MPI: variants seen among roughly 807,000 people sequenced by gnomAD.
The protein encoded by MPI is mannose phosphate isomerase.
A neutral mutation model predicts 40.1 loss-of-function variants in MPI; 33 were observed. The ratio of observed to expected loss-of-function variants is 0.82; its 90% CI spans 0.62 to 1.10. MPI has a LOEUF of 1.10. Ranked by LOEUF, MPI falls within the 50% of genes least tolerant of loss-of-function variation. The probability of loss-of-function intolerance (pLI) is 0.00; values close to 1 mark genes in which losing one functional copy is unlikely to be tolerated. For synonymous variants in MPI, 187 were observed against 207.4 expected (o/e 0.90, Z 0.85); for missense variants, 514 against 524.1 (o/e 0.98, Z 0.19).
chr15:74,897,666 G>A lies in MPI; in HGVS notation c.1208G>A (p.Ser403Asn). ...GTGCTCTTCATTGGGGCCAATGAGAGTGTCTCACTGAAGCTTACTGAGCCG... is the reference window on the plus strand; with the variant it reads ...GTGCTCTTCATTGGGGCCAATGAGAATGTCTCACTGAAGCTTACTGAGCCG... Reference protein sequence around the residue: ...GGVLFIGANESVSLKLTEPKD... With the variant: ...GGVLFIGANENVSLKLTEPKD... The change falls in exon 8 of 8, where the codon AGT (serine) becomes AAT (asparagine). Residue 403 changes from serine (S) to asparagine (N), a missense_variant. Coordinates refer to ENST00000352410, the MANE Select transcript of MPI (RefSeq NM_002435.3). The A allele has an allele frequency of 6.2e-7, 1 of 1,614,182 alleles. No individual in the cohort carries two copies. Among genetic ancestry groups the A allele is most frequent in the South Asian group, 1.1e-5 (1 of 91,084 alleles).
chr15:74,901,525 G>C lies in MPI; in HGVS notation c.*3795G>C, dbSNP rs1595833000. ...AGTAAGGCCCATGCTGTGACCAGAA[G>C]AATCTGGCAATAGAATGGTCCATGC... On this transcript the variant is annotated 3_prime_UTR_variant, in exon 8 of 8. Transcript: ENST00000352410. 1 of 152,338 alleles carries C rather than the reference G, an allele frequency of 6.6e-6. No homozygotes were observed. Among genetic ancestry groups the C allele is most frequent in the South Asian group, 2.1e-4 (1 of 4,826 alleles). The allele number at this position is 152,338 out of a possible 1,614,324, so 9.4% of individuals were successfully genotyped here. A position where few individuals can be genotyped will look rare whatever the true frequency, so the allele number is the denominator to read the frequency against.
chr15:74,896,929 C>A, intron 6 of MPI, 82 bp from the exon 7 acceptor site: 1 of 1,326,258 alleles, frequency 7.5e-7, no homozygotes, highest in Non-Finnish European at 1.1e-6. Context: ...GCATGGGGTT[C>A]ATGGAGCTCA....
Position 74,900,307 on chromosome 15 carries a change from G to GT in MPI, c.*2577_*2578insT, listed in dbSNP as rs2064900328. The GT allele has an allele frequency of 6.6e-6, 1 of 152,296 alleles. No homozygotes were observed. The highest frequency in any genetic ancestry group is 2.4e-5 in the African/African-American group (1 of 41,428). The allele number at this position is 152,296 out of a possible 1,614,324, so 9.4% of individuals were successfully genotyped here. ...CTACAAGGTAACACCCTCCTACATG[G>GT]GGTCAGCCAGCTCAGAAACCTCTTC... On this transcript the variant is annotated 3_prime_UTR_variant, in exon 8 of 8. Coordinates refer to ENST00000352410, the MANE Select transcript of MPI (RefSeq NM_002435.3).
rs1392809344 is a variant in MPI, at chr15:74,892,818, T to C, written c.487+16T>C. On this transcript the variant is annotated intron_variant, in intron 4 of 7. Transcript: ENST00000352410. ...TTTCTAAAGAGTAAGTTGGGCAGAA[T>C]GCTGAAGGCATGCGTACTGGGCCAG... 6.2e-7 allele frequency: 1 copy of C among 1,614,234 alleles called. No individual in the cohort carries two copies. The highest frequency in any genetic ancestry group is 2.2e-5 in the East Asian group (1 of 44,888).
intron 3 of MPI, among the ~76,000 whole-genome samples, chr15:74,892,209 G>A (rs1358846631): frequency 6.6e-6 from 1 of 152,114 alleles, no homozygotes; most frequent in African/African-American, 2.4e-5. Flanking sequence ...GGCCAGGCTG[G>A]TCTTGAACTC....
chr15:74,896,380 C>T (rs746095932), intron 6 of MPI, 55 bp downstream of exon 6: 1 of 1,601,444 alleles, frequency 6.2e-7, no homozygotes, highest in Admixed American at 1.7e-5. Flanking sequence ...GCCCTGTTTC[C>T]CTATCTGGAC....
rs1427529641 is a variant in MPI at position 74,902,050 on chromosome 15, T to TA, written c.*4321dup. ...AACCTGCTATGATCCCTGTCATAGTTAGACAGGTGCAACCTGAAGAGGGAC... is the reference window on the plus strand; with the variant it reads ...AACCTGCTATGATCCCTGTCATAGTTAAGACAGGTGCAACCTGAAGAGGGAC... On this transcript the variant is annotated 3_prime_UTR_variant, in exon 8 of 8. Coordinates refer to ENST00000352410, the MANE Select transcript of MPI (RefSeq NM_002435.3). 3 of 398,458 alleles carry TA rather than the reference T, an allele frequency of 7.5e-6. No homozygotes were observed. Among genetic ancestry groups the TA allele is most frequent in the African/African-American group, 6.2e-5 (3 of 48,644 alleles). 24.7% of individuals were successfully genotyped at this position (398,458 alleles called of 1,614,324 possible). A position where few individuals can be genotyped will look rare whatever the true frequency, so the allele number is the denominator to read the frequency against.
chr15:74,900,855 T>A lies in MPI; in HGVS notation c.*3125T>A, dbSNP rs1406735310. 2 of 152,208 alleles carry A rather than the reference T, an allele frequency of 1.3e-5. No homozygotes were observed. The highest frequency in any genetic ancestry group is 1.3e-4 in the Admixed American group (2 of 15,274). The allele number at this position is 152,208 out of a possible 1,614,324, so 9.4% of individuals were successfully genotyped here. On this transcript the variant is annotated 3_prime_UTR_variant, in exon 8 of 8. Transcript: ENST00000352410. Reference sequence around the variant, plus strand: ...CTAGTAGAGTAAGTCAGCCCCCAGATACTGTATATTCCTCTCAACCTTCCA... The same window carrying A: ...CTAGTAGAGTAAGTCAGCCCCCAGAAACTGTATATTCCTCTCAACCTTCCA...
chr15:74,892,956 G>C, intron 4 of MPI, 154 bp downstream of exon 4: 2 of 1,369,546 alleles, frequency 1.5e-6, no homozygotes, highest in Non-Finnish European at 2.0e-6. Context: ...AGGCCAGTGA[G>C]ACCAGGCTCA....
At position 74,898,022 on chromosome 15, in the gene MPI, G is replaced by C; in HGVS notation, c.*292G>C. ...CTTGCCAACTCTGTTCCAGCCTATGGCTTTAGGCTAGCTGTTAAATATGTG... is the reference window on the plus strand; with the variant it reads ...CTTGCCAACTCTGTTCCAGCCTATGCCTTTAGGCTAGCTGTTAAATATGTG... On this transcript the variant is annotated 3_prime_UTR_variant, in exon 8 of 8. Transcript: ENST00000352410. 1 of 475,182 alleles carries C rather than the reference G, an allele frequency of 2.1e-6. No individual in the cohort carries two copies. The highest frequency in any genetic ancestry group is 3.9e-6 in the Non-Finnish European group (1 of 256,104). The allele number at this position is 475,182 out of a possible 1,614,324, so 29.4% of individuals were successfully genotyped here. A position where few individuals can be genotyped will look rare whatever the true frequency, so the allele number is the denominator to read the frequency against.
intron 2 of MPI, 141 bp from the exon 3 acceptor site, chr15:74,891,238 T>G (rs1262409844): frequency 5.1e-6 from 4 of 786,358 alleles, no homozygotes; most frequent in African/African-American, 5.1e-5. Flanking sequence ...CATGATGGCA[T>G]GAACATTTGT....
intron 2 of MPI, 41 bp from the exon 3 acceptor site, chr15:74,891,338 G>T (rs908195031): frequency 2.5e-6 from 4 of 1,601,900 alleles, no homozygotes; most frequent in African/African-American, 2.7e-5. Context: ...AGGGTGGCAG[G>T]TTTCTTCCCC....
At position 74,897,842 on chromosome 15, in the gene MPI, C is replaced by G; in HGVS notation, c.*112C>G. On this transcript the variant is annotated 3_prime_UTR_variant, in exon 8 of 8. Transcript: ENST00000352410. ...CTTGCTCTGGACCCCTTAGGTATAC[C>G]CTGGAAGAGCTGGGGTGGGGGAGGA... is the stretch of plus-strand genomic sequence containing the variant. The G allele has an allele frequency of 2.9e-6, 3 of 1,035,486 alleles. No homozygotes were observed. The highest frequency in any genetic ancestry group is 4.4e-6 in the Non-Finnish European group (3 of 678,612). The allele number at this position is 1,035,486 out of a possible 1,614,324, so 64.1% of individuals were successfully genotyped here.
rs1661787932 is a variant in MPI at position 74,898,009 on chromosome 15, GT to G, written c.*281del. Reference sequence around the variant, plus strand: ...CCTGAGCCAGGCTCTTGCCAACTCTGTTCCAGCCTATGGCTTTAGGCTAGCT... The same window carrying G: ...CCTGAGCCAGGCTCTTGCCAACTCTGTCCAGCCTATGGCTTTAGGCTAGCT... On this transcript the variant is annotated 3_prime_UTR_variant, in exon 8 of 8. Coordinates refer to ENST00000352410, the MANE Select transcript of MPI (RefSeq NM_002435.3). 2 of 504,306 alleles carry G rather than the reference GT, an allele frequency of 4.0e-6. No individual in the cohort carries two copies. The highest frequency in any genetic ancestry group is 7.3e-6 in the Non-Finnish European group (2 of 273,538). The allele number at this position is 504,306 out of a possible 1,614,324, so 31.2% of individuals were successfully genotyped here. A position where few individuals can be genotyped will look rare whatever the true frequency, so the allele number is the denominator to read the frequency against.
At chr15:74,896,692 A>T in intron 6 of MPI, 1 of 608,746 alleles carries the variant, frequency 1.6e-6, no homozygotes, top group Non-Finnish European at 2.9e-6. Context: ...GCATGTTGCC[A>T]TGGAAGGATG....
intron 7 of MPI, 92 bp from the exon 8 acceptor site, chr15:74,897,420 G>A (rs1313259118): frequency 1.4e-6 from 2 of 1,384,406 alleles, no homozygotes; most frequent in South Asian, 1.2e-5. Flanking sequence ...AGGTGGCAGA[G>A]CTCTCCCTCG....
rs144407927 is a variant in MPI, at chr15:74,897,350, C to T, written c.1053+131C>T. On this transcript the variant is annotated intron_variant, in intron 7 of 7. Coordinates refer to ENST00000352410, the MANE Select transcript of MPI (RefSeq NM_002435.3). ...GGCGGAGGGTGGCCCCAGGGCCTGC[C>T]CATTCCTTCCTGTACCAGGGACCAG... 5.2e-4 allele frequency: 683 copies of T among 1,320,100 alleles called. 9 individuals carry two copies. In the East Asian group the frequency reaches 0.016, roughly 31 times the overall value. 81.8% of individuals were successfully genotyped at this position (1,320,100 alleles called of 1,614,324 possible). A position where few individuals can be genotyped will look rare whatever the true frequency, so the allele number is the denominator to read the frequency against.
chr15:74,890,800 G>GAT, intron 2 of MPI, 146 bp downstream of exon 2: 1 of 1,073,272 alleles, frequency 9.3e-7, no homozygotes, highest in Non-Finnish European at 1.4e-6. Flanking sequence ...ACTAGATAGT[G>GAT]TTATCAAAAA....
chr15:74,892,841 C>G (rs756544281), intron 4 of MPI, 39 bp downstream of exon 4: 1 of 1,614,018 alleles, frequency 6.2e-7, no homozygotes, highest in Admixed American at 1.7e-5. Context: ...CGTACTGGGC[C>G]AGGGATACCT....
Sources: gnomAD v4.1 joint callset for allele counts (sites outside exome capture counted in the v4.1 genomes callset) on GRCh38, gnomAD v4.1.1 for gene constraint, MANE v1.5 for transcripts, NCBI Gene and HGNC (gene_info 2026-07-23, HGNC 2026-07-21) for gene names.